DENR: variants seen among roughly 807,000 people sequenced by gnomAD.
DENR encodes the protein density regulated re-initiation and release factor.
In DENR, 6 loss-of-function variants were observed where a neutral mutation model predicts 30.6. That is an observed-to-expected ratio of 0.20 (90% CI 0.11 to 0.39). DENR has a LOEUF of 0.39. Among genes scored for constraint, DENR ranks in the 10% least tolerant of loss-of-function variants. The pLI, the probability that DENR is intolerant of heterozygous loss-of-function variation, is 1.00. For missense variants in DENR, 141 were observed against 230.9 expected (o/e 0.61, Z 2.52); for synonymous variants, 78 against 72.1 (o/e 1.08, Z -0.41).
rs1460213923 is a variant in DENR at position 122,769,231 on chromosome 12, T to C, written c.*153T>C. ...ACATATACACATGTATATATACATGTGTGTATGTATACATGTATATATATA... is the reference window on the plus strand; with the variant it reads ...ACATATACACATGTATATATACATGCGTGTATGTATACATGTATATATATA... On this transcript the variant is annotated 3_prime_UTR_variant, in exon 8 of 8. Coordinates refer to ENST00000280557, the MANE Select transcript of DENR (RefSeq NM_003677.5). 1.3e-6 allele frequency: 1 copy of C among 771,306 alleles called. No homozygotes were observed. 47.8% of individuals were successfully genotyped at this position (771,306 alleles called of 1,614,324 possible).
intron 2 of DENR, 72 bp downstream of exon 2, chr12:122,753,879 T>C: frequency 2.4e-6 from 3 of 1,242,424 alleles, no homozygotes; most frequent in Non-Finnish European, 3.5e-6. Flanking sequence ...GTTTGACATT[T>C]GGTAAGCTTT....
intron 4 of DENR, among the ~76,000 whole-genome samples, chr12:122,763,705 AAAAC>A: frequency 6.6e-6 from 1 of 152,354 alleles, no homozygotes; most frequent in Middle Eastern, 3.4e-3. Context: ...CTGTCTCAAA[AAAAC>A]AAAATTAAAA....
intron 4 of DENR, among the ~76,000 whole-genome samples, chr12:122,764,375 G>A (rs1196813482): frequency 6.6e-6 from 1 of 152,270 alleles, no homozygotes; most frequent in South Asian, 2.1e-4. Flanking sequence ...CGAGGCAGGC[G>A]GATCACAAGG....
chr12:122,753,867 C>T, intron 2 of DENR, 60 bp downstream of exon 2: 2 of 1,319,288 alleles, frequency 1.5e-6, no homozygotes, highest in Non-Finnish European at 2.2e-6. Flanking sequence ...ATTGTAATAA[C>T]AGTTTGACAT....
In DENR at chr12:122,758,422, AC is replaced by A. The variant is rs529185720; in HGVS notation, c.107-3763del. On this transcript the variant is annotated intron_variant, in intron 2 of 7. Transcript: ENST00000280557. ...TAGTTTATGATCTTGTGCCAAGACC[AC>A]CACAGAAGTGCTGTTAATTTCAGTG... 3.9e-5 allele frequency among the ~76,000 whole-genome samples: 6 copies of A among 152,334 alleles called. No homozygotes were observed. The South Asian group carries it at 1.2e-3, about 32-fold the overall frequency.
intron 5 of DENR, among the ~76,000 whole-genome samples, chr12:122,766,002 C>T (rs1878838784): frequency 6.6e-6 from 1 of 151,894 alleles, no homozygotes; most frequent in African/African-American, 2.4e-5. Flanking sequence ...CATTATTCTC[C>T]CCTATGACTA....
chr12:122,760,769 A>G (rs1878677758), intron 2 of DENR, among the ~76,000 whole-genome samples: 1 of 152,174 alleles, frequency 6.6e-6, no homozygotes, highest in Non-Finnish European at 1.5e-5. Flanking sequence ...CAGTTGACCC[A>G]GTATTAGAAT....
At chr12:122,764,730 C>G (rs1458449194) in intron 4 of DENR, among the ~76,000 whole-genome samples, 1 of 152,186 alleles carries the variant, frequency 6.6e-6, no homozygotes, top group Non-Finnish European at 1.5e-5. Flanking sequence ...GAAGAGAAAG[C>G]CTGGTCTGGG....
At chr12:122,761,045 C>G (rs866233079) in intron 2 of DENR, among the ~76,000 whole-genome samples, 2 of 150,246 alleles carry the variant, frequency 1.3e-5, no homozygotes, top group Non-Finnish European at 3.0e-5. Flanking sequence ...CTGAGGAGTT[C>G]GAGGCTGCAG....
At chr12:122,758,807 C>CA (rs1291015966) in intron 2 of DENR, among the ~76,000 whole-genome samples, 269 of 146,090 alleles carry the variant, frequency 1.8e-3, no homozygotes, top group African/African-American at 5.8e-3. Flanking sequence ...GTCTCTTTAA[C>CA]AAAAAAAAAG....
In DENR at chr12:122,771,006, TAGCC is replaced by T. The variant is rs1405668564; in HGVS notation, c.*1932_*1935del. 1.2e-5 allele frequency: 4 copies of T among 339,666 alleles called. No individual in the cohort carries two copies. Among genetic ancestry groups the T allele is most frequent in the African/African-American group, 8.4e-5 (4 of 47,444 alleles). The allele number at this position is 339,666 out of a possible 1,614,324, so 21.0% of individuals were successfully genotyped here. A position where few individuals can be genotyped will look rare whatever the true frequency, so the allele number is the denominator to read the frequency against. On this transcript the variant is annotated 3_prime_UTR_variant, in exon 8 of 8. Transcript: ENST00000280557. ...AGCAAATGCAGTTACAATCCATAGA[TAGCC>T]AGCAGTGGATGTTACTCCAGGAAAA...
intron 3 of DENR, 74 bp from the exon 4 acceptor site, chr12:122,762,771 G>T: frequency 1.0e-6 from 1 of 968,440 alleles, no homozygotes; most frequent in South Asian, 1.5e-5. Context: ...AAGTATAGGG[G>T]GTGATTTTTA....
chr12:122,770,919 A>G lies in DENR; in HGVS notation c.*1841A>G. On this transcript the variant is annotated 3_prime_UTR_variant, in exon 8 of 8. Coordinates refer to ENST00000280557, the MANE Select transcript of DENR (RefSeq NM_003677.5). ...GTATGTAGTCTGTTGCTGCTGAAAG[A>G]TGTCTGTGTGCCTGTATCAACATGT... 2.5e-6 allele frequency: 1 copy of G among 393,460 alleles called. No homozygotes were observed. Among genetic ancestry groups the G allele is most frequent in the Non-Finnish European group, 4.5e-6 (1 of 223,544 alleles). 24.4% of individuals were successfully genotyped at this position (393,460 alleles called of 1,614,324 possible).
rs1477209011 is a variant in DENR at position 122,760,214 on chromosome 12, T to C, written c.107-1973T>C. 2.6e-5 allele frequency among the ~76,000 whole-genome samples: 4 copies of C among 152,222 alleles called. No individual in the cohort carries two copies. In the East Asian group the frequency reaches 7.7e-4, roughly 29 times the overall value. ...TGTTATCCAGATGCAAGTGGTTATG[T>C]ACTCTAAGCCTCAGTTTCATCATCT... is the stretch of plus-strand genomic sequence containing the variant. On this transcript the variant is annotated intron_variant, in intron 2 of 7. Transcript: ENST00000280557.
chr12:122,758,330 A>G (rs12316263), intron 2 of DENR, among the ~76,000 whole-genome samples: 8,493 of 150,102 alleles, frequency 0.057, 415 homozygotes, highest in East Asian at 0.28. Flanking sequence ...TCGGCCTCCC[A>G]AAGTGTTGGG....
At chr12:122,768,727 C>T in intron 6 of DENR, 55 bp from the exon 7 acceptor site, 3 of 1,430,802 alleles carry the variant, frequency 2.1e-6, no homozygotes, top group Non-Finnish European at 2.8e-6. Context: ...AATGGAAAAA[C>T]ATCTTTGCAC....
intron 2 of DENR, among the ~76,000 whole-genome samples, chr12:122,756,130 G>A (rs942942029): frequency 3.3e-5 from 5 of 152,198 alleles, no homozygotes; most frequent in African/African-American, 1.2e-4. Context: ...ACTTAACAGG[G>A]AAGATGATGA....
At chr12:122,765,208 T>C (rs1593763487) in intron 4 of DENR, 96 bp from the exon 5 acceptor site, 1 of 874,932 alleles carries the variant, frequency 1.1e-6, no homozygotes, top group East Asian at 2.7e-5. Context: ...GTTGGTAAGA[T>C]GCCTTATTTG....
chr12:122,755,302 G>A lies in DENR; in HGVS notation c.106+1495G>A, dbSNP rs546916202. 9.2e-5 allele frequency among the ~76,000 whole-genome samples: 14 copies of A among 152,280 alleles called. No homozygotes were observed. In the South Asian group the frequency reaches 2.3e-3, roughly 25 times the overall value. On this transcript the variant is annotated intron_variant, in intron 2 of 7. Transcript: ENST00000280557. Reference sequence around the variant, plus strand: ...AATTATGAATTAAAACTAAGGGGCCGGGCGCAGTGGCTCACACTTGTAATC... The same window carrying A: ...AATTATGAATTAAAACTAAGGGGCCAGGCGCAGTGGCTCACACTTGTAATC...
Sources: allele counts gnomAD v4.1 joint callset (sites outside exome capture counted in the v4.1 genomes callset), GRCh38; gene constraint gnomAD v4.1.1; transcripts MANE v1.5; gene names NCBI Gene and HGNC (gene_info 2026-07-23, HGNC 2026-07-21).